The following C6orf52 variants were observed in gnomAD, a reference collection of about 807,000 sequenced individuals.
The protein encoded by C6orf52 is chromosome 6 open reading frame 52.
In C6orf52, 16 loss-of-function variants were observed where a neutral mutation model predicts 16.6. That is an observed-to-expected ratio of 0.96 (90% CI 0.65 to 1.46). The LOEUF (loss-of-function observed/expected upper bound fraction) is 1.46, where lower values mean the gene tolerates loss of function less well. Ranked by LOEUF, C6orf52 falls within the 40% of genes most tolerant of loss-of-function variation. The pLI is 0.00. For synonymous variants in C6orf52, 53 were observed against 61.4 expected, an observed-to-expected ratio of 0.86 and a Z score of 0.64; for missense variants, 166 against 182.3, an observed-to-expected ratio of 0.91 and a Z score of 0.52.
intron 4 of C6orf52, among the ~76,000 whole-genome samples, chr6:10,675,988 T>C (rs1268861562): frequency 1.3e-5 from 2 of 151,920 alleles, no homozygotes; most frequent in Admixed American, 1.3e-4. Flanking sequence ...AAAAATTAGC[T>C]GGGCGTGGTG....
At chr6:10,677,488 A>T (rs1371569398) in intron 4 of C6orf52, among the ~76,000 whole-genome samples, 2 of 145,022 alleles carry the variant, frequency 1.4e-5, no homozygotes. Flanking sequence ...TGCTTTGGCT[A>T]TTTAGGTTTT....
At chr6:10,675,852 C>T (rs1767826801) in intron 4 of C6orf52, among the ~76,000 whole-genome samples, 1 of 152,190 alleles carries the variant, frequency 6.6e-6, no homozygotes, top group African/African-American at 2.4e-5. Flanking sequence ...TAAAAAATGG[C>T]CGGGCACGGT....
At chr6:10,693,896 T>C (rs1458566324) in intron 1 of C6orf52, among the ~76,000 whole-genome samples, 1 of 152,030 alleles carries the variant, frequency 6.6e-6, no homozygotes, top group African/African-American at 2.4e-5. Context: ...GCTGGGCTAA[T>C]TTATAACATT....
chr6:10,682,537 G>A (rs1768490721), intron 4 of C6orf52, among the ~76,000 whole-genome samples: 2 of 152,174 alleles, frequency 1.3e-5, no homozygotes, highest in South Asian at 4.1e-4. Flanking sequence ...GGGTGGGTTT[G>A]TCTGGTAGGG....
At chr6:10,694,652 G>C (rs1769714721), upstream of C6orf52, 3 of 243,828 alleles carry the variant, frequency 1.2e-5, no homozygotes, top group Non-Finnish European at 2.4e-5. Flanking sequence ...GAAATGAAGG[G>C]CTTCGCAGAG....
chr6:10,687,383 TAAAA>T (rs144292063), intron 2 of C6orf52, 93 bp downstream of exon 2: 2 of 836,480 alleles, frequency 2.4e-6, no homozygotes, highest in East Asian at 3.1e-5. Context: ...CCCAGAACTT[TAAAA>T]AAAAAAAAGC....
intron 1 of C6orf52, among the ~76,000 whole-genome samples, chr6:10,689,418 G>A (rs191097445): frequency 6.8e-4 from 104 of 152,318 alleles, no homozygotes; most frequent in African/African-American, 2.3e-3. Flanking sequence ...GTCTTCAAGG[G>A]AGATTTTATT....
chr6:10,687,047 AC>A lies in C6orf52; in HGVS notation c.188del (p.Cys63LeufsTer33). 6.4e-7 allele frequency: 1 copy of A among 1,551,804 alleles called. No homozygotes were observed. The highest frequency in any genetic ancestry group is 8.7e-7 in the Non-Finnish European group (1 of 1,146,980). On this transcript the variant is annotated frameshift_variant, in exon 3 of 5. Coordinates refer to ENST00000259983, the MANE Select transcript of C6orf52 (RefSeq NM_001145020.3). LOFTEE classifies it high-confidence loss of function. ...SYLLSGYSYG[C>X]AVDGNGKDCF... The stretch of plus-strand genomic sequence containing the variant: ...AGTCCTTTCCATTTCCATCCACTGC[AC>A]AGCCATAGCTGTAGCCAGAAAGAAG...
chr6:10,675,506 C>T (rs760725038), intron 4 of C6orf52, among the ~76,000 whole-genome samples: 1 of 152,174 alleles, frequency 6.6e-6, no homozygotes, highest in Non-Finnish European at 1.5e-5. Context: ...ACAGATGTCT[C>T]TTTGACATAC....
chr6:10,671,853 C>T (rs556126621), intron 4 of C6orf52, among the ~76,000 whole-genome samples: 3 of 152,228 alleles, frequency 2.0e-5, no homozygotes, highest in Admixed American at 2.0e-4. Flanking sequence ...GGACAGATTT[C>T]AGATGCTTGG....
intron 3 of C6orf52, among the ~76,000 whole-genome samples, chr6:10,683,533 G>A (rs1030440006): frequency 1.1e-4 from 17 of 152,182 alleles, no homozygotes; most frequent in African/African-American, 4.1e-4. Flanking sequence ...GCCTGAGCTA[G>A]GAAACCAGAC....
At chr6:10,693,881 G>A (rs1382111237) in intron 1 of C6orf52, among the ~76,000 whole-genome samples, 2 of 152,084 alleles carry the variant, frequency 1.3e-5, no homozygotes, top group Non-Finnish European at 2.9e-5. Context: ...GGCGGGCGTC[G>A]CCATGCTGGG....
At chr6:10,687,755 T>C (rs1025553390) in intron 1 of C6orf52, among the ~76,000 whole-genome samples, 194 bp from the exon 2 acceptor site, 2 of 152,002 alleles carry the variant, frequency 1.3e-5, no homozygotes, top group Non-Finnish European at 2.9e-5. Flanking sequence ...GGGGGAGGGG[T>C]GTACTGAGGC....
intron 1 of C6orf52, among the ~76,000 whole-genome samples, chr6:10,689,308 G>T (rs1045536159): frequency 2.6e-5 from 4 of 152,222 alleles, no homozygotes; most frequent in African/African-American, 9.7e-5. Context: ...TTGCATCCAG[G>T]GATGCAGAAC....
intron 4 of C6orf52, chr6:10,672,518 G>T (rs571250453): frequency 2.1e-5 from 14 of 682,748 alleles, no homozygotes; most frequent in Non-Finnish European, 3.7e-5. Flanking sequence ...TATAAAAAGC[G>T]ACAGCAGGCA....
At chr6:10,681,256 T>G (rs1227092280) in intron 4 of C6orf52, among the ~76,000 whole-genome samples, 2 of 152,222 alleles carry the variant, frequency 1.3e-5, no homozygotes, top group Non-Finnish European at 2.9e-5. Context: ...GATGTATAAT[T>G]GTTCATAATT....
At chr6:10,687,380 C>G in intron 2 of C6orf52, 100 bp downstream of exon 2, 1 of 981,546 alleles carries the variant, frequency 1.0e-6, no homozygotes, top group Non-Finnish European at 1.5e-6. Flanking sequence ...TACCCCAGAA[C>G]TTTAAAAAAA....
At chr6:10,689,261 G>A (rs184176912) in intron 1 of C6orf52, among the ~76,000 whole-genome samples, 53 of 152,320 alleles carry the variant, frequency 3.5e-4, no homozygotes, top group Non-Finnish European at 6.8e-4. Context: ...GTGAGCCACC[G>A]TGCCCGGCCT....
rs747885880 is a variant in C6orf52 at position 10,687,011 on chromosome 6, C to A, written c.225G>T (p.Ala75=). The change falls in exon 3 of 5, where the codon GCG becomes GCT. Residue 75 remains alanine (A), a synonymous_variant. Coordinates refer to ENST00000259983, the MANE Select transcript of C6orf52 (RefSeq NM_001145020.3). ...VDGNGKDCFS[A]HETPEHTAGT... is the part of the protein sequence containing the mutation. Reference sequence around the variant, plus strand: ...CAGCTGTGTGTTCAGGGGTCTCATGCGCAGAAAAACAGTCCTTTCCATTTC... The same window carrying A: ...CAGCTGTGTGTTCAGGGGTCTCATGAGCAGAAAAACAGTCCTTTCCATTTC... 6.4e-7 allele frequency: 1 copy of A among 1,551,326 alleles called. No individual in the cohort carries two copies.
Sources: allele counts gnomAD v4.1 joint callset (sites outside exome capture counted in the v4.1 genomes callset), GRCh38; gene constraint gnomAD v4.1.1; transcripts MANE v1.5; gene names NCBI Gene and HGNC (gene_info 2026-07-23, HGNC 2026-07-21).